The following PIK3R1 variants were observed in gnomAD, a reference collection of about 807,000 sequenced individuals.
The protein encoded by PIK3R1 is phosphatidylinositol 3-kinase regulatory subunit alpha.
In PIK3R1, 29 loss-of-function variants were observed where a neutral mutation model predicts 98.0. The observed-to-expected ratio is 0.30, with a 90% confidence interval of 0.22 to 0.40. The LOEUF (loss-of-function observed/expected upper bound fraction) is 0.40. PIK3R1 is among the 10% of genes least tolerant of loss of function. PIK3R1 has a pLI of 1.00. For missense variants in PIK3R1, 596 were observed against 872.7 expected, an observed-to-expected ratio of 0.68 and a Z score of 3.99; for synonymous variants, 282 against 311.8, an observed-to-expected ratio of 0.90 and a Z score of 1.01.
intron 2 of PIK3R1, among the ~76,000 whole-genome samples, chr5:68,253,924 A>G (rs1222323796): frequency 6.6e-6 from 1 of 151,806 alleles, no homozygotes; most frequent in Non-Finnish European, 1.5e-5. Flanking sequence ...AAACCCATGT[A>G]TATCCACTCC....
intron 2 of PIK3R1, among the ~76,000 whole-genome samples, chr5:68,271,577 C>G (rs1005670961): frequency 7.4e-6 from 1 of 134,426 alleles, no homozygotes; most frequent in Non-Finnish European, 1.5e-5. Flanking sequence ...CCATTTAAAT[C>G]AGTTAAAATA....
intron 1 of PIK3R1, among the ~76,000 whole-genome samples, chr5:68,221,511 G>C (rs1744092044): frequency 6.6e-6 from 1 of 152,136 alleles, no homozygotes; most frequent in Non-Finnish European, 1.5e-5. Flanking sequence ...ATGCCTAACT[G>C]CTAATTTCAT....
chr5:68,216,495 C>A (rs1202230816), intron 1 of PIK3R1, among the ~76,000 whole-genome samples: 1 of 152,168 alleles, frequency 6.6e-6, no homozygotes, highest in Non-Finnish European at 1.5e-5. Context: ...CTAACCCCCG[C>A]CTTCCGAAGT....
intron 7 of PIK3R1, among the ~76,000 whole-genome samples, chr5:68,284,529 G>A (rs888436314): frequency 1.8e-4 from 28 of 152,198 alleles, no homozygotes; most frequent in African/African-American, 6.5e-4. Context: ...GCAACCATAC[G>A]TCGCTGCCCC....
At chr5:68,265,262 G>A (rs1746077080) in intron 2 of PIK3R1, among the ~76,000 whole-genome samples, 1 of 152,178 alleles carries the variant, frequency 6.6e-6, no homozygotes, top group Non-Finnish European at 1.5e-5. Context: ...CTGACACGCA[G>A]AGGGTATTTA....
chr5:68,220,688 A>G (rs1744062874), intron 1 of PIK3R1, among the ~76,000 whole-genome samples: 1 of 152,196 alleles, frequency 6.6e-6, no homozygotes, highest in South Asian at 2.1e-4. Flanking sequence ...CAGCCTATAC[A>G]GCCTGTTTAC....
intron 1 of PIK3R1, among the ~76,000 whole-genome samples, chr5:68,223,162 CAT>C (rs1561255763): frequency 2.0e-5 from 3 of 150,716 alleles, no homozygotes; most frequent in Non-Finnish European, 4.4e-5. Context: ...TCATCATCAT[CAT>C]CATCACCCAA....
chr5:68,281,665 C>T (rs1746844793), intron 7 of PIK3R1, among the ~76,000 whole-genome samples: 1 of 152,164 alleles, frequency 6.6e-6, no homozygotes, highest in Admixed American at 6.5e-5. Context: ...AGCTAATCGA[C>T]ACTGGTCATT....
chr5:68,262,454 A>G (rs1248760335), intron 2 of PIK3R1, among the ~76,000 whole-genome samples: 3 of 146,634 alleles, frequency 2.0e-5, no homozygotes, highest in Admixed American at 6.8e-5. Context: ...TGTAGAATAC[A>G]TATATATATC....
chr5:68,293,879 CTTT>C (rs761274744), intron 11 of PIK3R1, 45 bp downstream of exon 11: 3 of 1,418,228 alleles, frequency 2.1e-6, no homozygotes, highest in Non-Finnish European at 9.6e-7. Context: ...GAGTTCTAAA[CTTT>C]TAAAGACTAA....
intron 2 of PIK3R1, among the ~76,000 whole-genome samples, chr5:68,247,454 A>G (rs544859070): frequency 2.3e-4 from 34 of 151,110 alleles, no homozygotes; most frequent in African/African-American, 7.8e-4. Flanking sequence ...GTGCGCCACC[A>G]TGCCTGGCTA....
intron 7 of PIK3R1, 46 bp from the exon 8 acceptor site, chr5:68,292,213 C>T: frequency 8.6e-7 from 1 of 1,160,552 alleles, no homozygotes; most frequent in Non-Finnish European, 1.3e-6. Context: ...AAATTTAGTT[C>T]TAATGTAGTT....
At chr5:68,262,019 C>T (rs1745775058) in intron 2 of PIK3R1, among the ~76,000 whole-genome samples, 1 of 152,084 alleles carries the variant, frequency 6.6e-6, no homozygotes, top group Non-Finnish European at 1.5e-5. Context: ...TAAATGATTG[C>T]TTTCACCTCT....
intron 2 of PIK3R1, among the ~76,000 whole-genome samples, chr5:68,256,224 A>AT (rs1186228818): frequency 2.6e-5 from 4 of 152,120 alleles, no homozygotes; most frequent in Non-Finnish European, 5.9e-5. Flanking sequence ...ACATTTTGTA[A>AT]TTTTTTATTT....
chr5:68,221,569 G>A (rs1744093995), intron 1 of PIK3R1, among the ~76,000 whole-genome samples: 1 of 152,228 alleles, frequency 6.6e-6, no homozygotes, highest in Non-Finnish European at 1.5e-5. Flanking sequence ...TTAATTTAAT[G>A]TGATTTAAAA....
Position 68,300,540 on chromosome 5 carries a change from T to C in PIK3R1, c.*2939T>C, listed in dbSNP as rs1031723345. 1 of 233,138 alleles carries C rather than the reference T, an allele frequency of 4.3e-6. No homozygotes were observed. Among genetic ancestry groups the C allele is most frequent in the African/African-American group, 2.2e-5 (1 of 45,338 alleles). The allele number at this position is 233,138 out of a possible 1,614,324, so 14.4% of individuals were successfully genotyped here. ...AAGTGGGAGCATTGGGACCTCACAT[T>C]ACACACACGAGAGATCATAACCATG... On this transcript the variant is annotated 3_prime_UTR_variant, in exon 16 of 16. Transcript: ENST00000521381.
chr5:68,232,838 C>T (rs554657637), intron 2 of PIK3R1, among the ~76,000 whole-genome samples: 50 of 152,306 alleles, frequency 3.3e-4, no homozygotes, highest in South Asian at 4.1e-4. Flanking sequence ...AGCCCTCACA[C>T]ACCTCTGATT....
In PIK3R1 at chr5:68,226,428, G is replaced by A. The variant is rs1399083047; in HGVS notation, c.-248G>A. On this transcript the variant is annotated 5_prime_UTR_variant, in exon 2 of 16. In the 5' UTR this introduces an upstream ATG that the reference lacks. Transcript: ENST00000521381. ...TGACAAGTTGCTGAAAAGGAAGCCA[G>A]TGAGAGGACTGTGGCACGCAGAGGA... 1 of 496,644 alleles carries A rather than the reference G, an allele frequency of 2.0e-6. No individual in the cohort carries two copies. The highest frequency in any genetic ancestry group is 3.5e-6 in the Non-Finnish European group (1 of 282,114). The allele number at this position is 496,644 out of a possible 1,614,324, so 30.8% of individuals were successfully genotyped here. A position where few individuals can be genotyped will look rare whatever the true frequency, so the allele number is the denominator to read the frequency against.
At chr5:68,231,164 A>G (rs56403960) in intron 2 of PIK3R1, among the ~76,000 whole-genome samples, 1 of 152,220 alleles carries the variant, frequency 6.6e-6, no homozygotes, top group Non-Finnish European at 1.5e-5. Flanking sequence ...CAGTGGTTTT[A>G]ACTCATACTT....
Sources: allele counts gnomAD v4.1 joint callset (sites outside exome capture counted in the v4.1 genomes callset), GRCh38; gene constraint gnomAD v4.1.1; transcripts MANE v1.5; gene names NCBI Gene and HGNC (gene_info 2026-07-23, HGNC 2026-07-21).